The following UNC45A variants were observed in gnomAD, a reference collection of about 807,000 sequenced individuals.
UNC45A encodes protein unc-45 homolog A.
A neutral mutation model predicts 103.2 loss-of-function variants in UNC45A; 78 were observed. The observed-to-expected ratio is 0.76, with a 90% CI of 0.63 to 0.91. The LOEUF (loss-of-function observed/expected upper bound fraction) is 0.91, where lower values mean the gene tolerates loss of function less well. UNC45A is among the 40% of genes least tolerant of loss of function. The pLI is 0.00. For missense variants in UNC45A, 1,193 were observed against 1,224.8 expected (o/e 0.97, Z 0.39); for synonymous variants, 495 against 504.6 (o/e 0.98, Z 0.25).
intron 6 of UNC45A, chr15:90,941,121 C>T (rs2036271063): frequency 6.6e-6 from 1 of 152,196 alleles, no homozygotes; most frequent in South Asian, 2.1e-4. Context: ...CTGCAGCCAA[C>T]TCACAAAAAC....
chr15:90,949,538 C>A, intron 14 of UNC45A, 95 bp downstream of exon 14: 2 of 1,598,004 alleles, frequency 1.3e-6, no homozygotes, highest in South Asian at 2.2e-5. Context: ...GTGCTGTGGG[C>A]CTCTTAGAGC....
chr15:90,949,696 T>C lies in UNC45A; in HGVS notation c.2049T>C (p.Thr683=), dbSNP rs2036785214. Reference sequence around the variant, plus strand: ...TGGAAGAGGTAGAGGACCGAGGCACTGTGGTTGCCCAGGGAGGCGGCAGGG... The same window carrying C: ...TGGAAGAGGTAGAGGACCGAGGCACCGTGGTTGCCCAGGGAGGCGGCAGGG... ...ALVEEVEDRG[T]VVAQGGGRAL... is the part of the protein sequence containing the mutation. Residue 683 remains threonine, a synonymous_variant, in exon 15 of 20, where the codon ACT becomes ACC. Coordinates refer to ENST00000418476, the MANE Select transcript of UNC45A (RefSeq NM_018671.5). 3.1e-6 allele frequency: 5 copies of C among 1,614,170 alleles called. No homozygotes were observed. Among genetic ancestry groups the C allele is most frequent in the Non-Finnish European group, 4.2e-6 (5 of 1,180,022 alleles).
At position 90,953,732 on chromosome 15, in the gene UNC45A, G is replaced by C. The variant is rs754644449; in HGVS notation, c.*16G>C. On this transcript the variant is annotated 3_prime_UTR_variant, in exon 20 of 20. Coordinates refer to ENST00000418476, the MANE Select transcript of UNC45A (RefSeq NM_018671.5). ...TGGAGAGTGAGGGGGTTGTCCCTGG[G>C]CCCAAGGCTCATGCACACGCTACCT... 3 of 1,611,100 alleles carry C rather than the reference G, an allele frequency of 1.9e-6. No individual in the cohort carries two copies. The highest frequency in any genetic ancestry group is 2.5e-6 in the Non-Finnish European group (3 of 1,178,294).
chr15:90,942,588 A>T lies in UNC45A; in HGVS notation c.839A>T (p.Glu280Val). ...EGVKKGFRGK[E>V]GAIIVDPARE... ...GTCAAAAAAGGCTTCCGAGGCAAAG[A>T]AGGTGCCATCATTGTGGGTGAGTGG... Residue 280 changes from glutamate to valine, a missense_variant, in exon 7 of 20, where the codon GAA becomes GTA. Glu to Val is a moderately radical substitution (Grantham distance 121). Transcript: ENST00000418476. 1 of 1,614,162 alleles carries T rather than the reference A, an allele frequency of 6.2e-7. No individual in the cohort carries two copies. Among genetic ancestry groups the T allele is most frequent in the Non-Finnish European group, 8.5e-7 (1 of 1,180,030 alleles).
upstream of UNC45A, chr15:90,935,069 C>T: frequency 1.7e-6 from 1 of 578,850 alleles, no homozygotes; most frequent in South Asian, 2.0e-5. Flanking sequence ...CGCAGGCCTC[C>T]CTCTGGGTCC....
chr15:90,947,295 G>A (rs536063967), intron 10 of UNC45A: 159 of 267,460 alleles, frequency 5.9e-4, no homozygotes, highest in African/African-American at 3.2e-3. Flanking sequence ...GTCATGCAGT[G>A]TTCCTGGGAG....
In UNC45A at chr15:90,946,929, C is replaced by T; in HGVS notation, c.1500+15C>T. 3.7e-6 allele frequency: 3 copies of T among 816,988 alleles called. No individual in the cohort carries two copies. The highest frequency in any genetic ancestry group is 1.9e-5 in the Admixed American group (1 of 52,328). 50.6% of individuals were successfully genotyped at this position (816,988 alleles called of 1,614,324 possible). ...GGGCGCTAGTGGTGAGACGGTGGGC[C>T]TGGGGTGGGTGGGCAGGCAGCCAGG... On this transcript the variant is annotated intron_variant, in intron 10 of 19. Coordinates refer to ENST00000418476, the MANE Select transcript of UNC45A (RefSeq NM_018671.5).
chr15:90,931,982 C>A, upstream of UNC45A: 6 of 1,613,820 alleles, frequency 3.7e-6, no homozygotes, highest in Non-Finnish European at 4.2e-6. Flanking sequence ...AGATGTCAGC[C>A]AAGGGTTGCC....
In UNC45A at chr15:90,950,570, C is replaced by T. The variant is rs777532450; in HGVS notation, c.2258C>T (p.Ala753Val). 2.0e-5 allele frequency: 33 copies of T among 1,614,196 alleles called. No individual in the cohort carries two copies. The highest frequency in any genetic ancestry group is 1.6e-4 in the East Asian group (7 of 44,890). The stretch of plus-strand genomic sequence containing the variant: ...TGCTCAGGCCTGCAGAACTTCGAGG[C>T]GCTCATGGCCCTAACAAACCTGGCT... The part of the protein sequence containing the change: ...LNCSGLQNFE[A>V]LMALTNLAGI... Residue 753 changes from alanine (A) to valine (V), a missense_variant, in exon 17 of 20, where the codon GCG (alanine) becomes GTG (valine). Coordinates refer to ENST00000418476, the MANE Select transcript of UNC45A (RefSeq NM_018671.5).
chr15:90,948,023 C>T (rs899055230), intron 11 of UNC45A, 119 bp from the exon 12 acceptor site: 18 of 1,528,708 alleles, frequency 1.2e-5, no homozygotes, highest in East Asian at 2.3e-5. Flanking sequence ...GATCCTGGTA[C>T]GTGAACTGCT....
chr15:90,948,292 G>T lies in UNC45A; in HGVS notation c.1737+9G>T. ...TGTTCCAGCTCAGCAGGGTAGCTCT[G>T]TGGTTCCTGCCGTCAGCCTGGGGAC... is the stretch of plus-strand genomic sequence containing the variant. On this transcript the variant is annotated intron_variant, in intron 12 of 19. Coordinates refer to ENST00000418476, the MANE Select transcript of UNC45A (RefSeq NM_018671.5). 6.2e-7 allele frequency: 1 copy of T among 1,613,186 alleles called. No individual in the cohort carries two copies. Among genetic ancestry groups the T allele is most frequent in the Non-Finnish European group, 8.5e-7 (1 of 1,180,032 alleles).
rs371695364 is a variant in UNC45A, at chr15:90,949,415, A to C, written c.1978A>C (p.Thr660Pro). Reference sequence around the variant, plus strand: ...GGTGAAGACGGAGAGCCCTGTGCTGACCAGTTCCTGCAGAGAGCTGCTCTC... The same window carrying C: ...GGTGAAGACGGAGAGCCCTGTGCTGCCCAGTTCCTGCAGAGAGCTGCTCTC... ...CMVKTESPVL[T>P]SSCRELLSRV... Residue 660 changes from threonine (T) to proline (P), a missense_variant, in exon 14 of 20, where the codon ACC becomes CCC. Coordinates refer to ENST00000418476, the MANE Select transcript of UNC45A (RefSeq NM_018671.5). 3.7e-6 allele frequency: 6 copies of C among 1,613,588 alleles called. No individual in the cohort carries two copies. Among genetic ancestry groups the C allele is most frequent in the Non-Finnish European group, 5.1e-6 (6 of 1,180,008 alleles).
intron 6 of UNC45A, among the ~76,000 whole-genome samples, chr15:90,941,610 T>C (rs1226405618): frequency 6.6e-6 from 1 of 152,104 alleles, no homozygotes; most frequent in African/African-American, 2.4e-5. Context: ...GTGGAAGCAG[T>C]CAGGATTTGG....
At chr15:90,942,742 A>G in intron 7 of UNC45A, 137 bp downstream of exon 7, 1 of 1,510,450 alleles carries the variant, frequency 6.6e-7, no homozygotes. Flanking sequence ...ACATTATTTT[A>G]CTCTAGATTC....
rs1242305529 is a variant in UNC45A at position 90,948,168 on chromosome 15, C to G, written c.1622C>G (p.Ala541Gly). 1 of 1,614,054 alleles carries G rather than the reference C, an allele frequency of 6.2e-7. No homozygotes were observed. Among genetic ancestry groups the G allele is most frequent in the Non-Finnish European group, 8.5e-7 (1 of 1,180,048 alleles). ...RKWLCNDQIDAGTRRWAVEGL... is the reference protein window; with the variant it reads ...RKWLCNDQIDGGTRRWAVEGL... ...TGGCTGTGCAATGACCAGATCGACGCAGGCACTCGGCGCTGGGCAGTGGAG... is the reference window on the plus strand; with the variant it reads ...TGGCTGTGCAATGACCAGATCGACGGAGGCACTCGGCGCTGGGCAGTGGAG... The change falls in exon 12 of 20, where the codon GCA becomes GGA. Residue 541 changes from alanine (A) to glycine (G), a missense_variant. Coordinates refer to ENST00000418476, the MANE Select transcript of UNC45A (RefSeq NM_018671.5).
At chr15:90,934,879 C>A (rs188563182), upstream of UNC45A, 6 of 436,766 alleles carry the variant, frequency 1.4e-5, no homozygotes, top group Admixed American at 8.0e-5. Flanking sequence ...TTCTGTACCC[C>A]CCACAGAGCG....
intron 4 of UNC45A, among the ~76,000 whole-genome samples, chr15:90,937,679 G>T (rs1373388739): frequency 3.9e-5 from 6 of 151,932 alleles, no homozygotes; most frequent in Non-Finnish European, 8.8e-5. Flanking sequence ...GTAGAGATGC[G>T]GTTTCACTGT....
upstream of UNC45A, chr15:90,935,277 C>G (rs1199414284): frequency 6.4e-7 from 1 of 1,564,064 alleles, no homozygotes; most frequent in Non-Finnish European, 8.7e-7. Context: ...CCAGACTCGC[C>G]CCGCCCCAGA....
At chr15:90,932,768 C>T (rs1348717927), upstream of UNC45A, 1 of 391,444 alleles carries the variant, frequency 2.6e-6, no homozygotes. Context: ...GTTGGGGGTG[C>T]AAGAAGAACA....
Sources: gnomAD v4.1 joint callset for allele counts (sites outside exome capture counted in the v4.1 genomes callset) on GRCh38, gnomAD v4.1.1 for gene constraint, MANE v1.5 for transcripts, NCBI Gene and HGNC (gene_info 2026-07-23, HGNC 2026-07-21) for gene names.